The following MACROD2 variants were observed in gnomAD, a reference collection of about 807,000 sequenced individuals.
The protein encoded by MACROD2 is ADP-ribose glycohydrolase MACROD2.
MACROD2 carries 36 observed loss-of-function variants against 70.4 expected under a neutral mutation model. The observed-to-expected ratio is 0.51, with a 90% CI of 0.39 to 0.68. MACROD2 has a LOEUF of 0.68. MACROD2 is among the 30% of genes least tolerant of loss of function. The probability of loss-of-function intolerance (pLI) is 0.00; values close to 1 mark genes in which losing one functional copy is unlikely to be tolerated. For missense variants in MACROD2, 496 were observed against 538.4 expected (o/e 0.92, Z 0.78); for synonymous variants, 172 against 178.8 (o/e 0.96, Z 0.30).
chr20:14,798,930 G>T (rs928745336), intron 5 of MACROD2, among the ~76,000 whole-genome samples: 1 of 151,490 alleles, frequency 6.6e-6, no homozygotes, highest in Non-Finnish European at 1.5e-5. Context: ...ATATAAATCG[G>T]GACAGATTTT....
chr20:15,677,932 G>C (rs1450570850), intron 8 of MACROD2, among the ~76,000 whole-genome samples: 1 of 152,034 alleles, frequency 6.6e-6, no homozygotes, highest in Non-Finnish European at 1.5e-5. Context: ...AAGCATGGTG[G>C]TGGGCACCTG....
At chr20:14,355,546 A>C (rs967362527) in intron 3 of MACROD2, among the ~76,000 whole-genome samples, 1 of 150,814 alleles carries the variant, frequency 6.6e-6, no homozygotes, top group Admixed American at 6.6e-5. Context: ...CTATGGAGAG[A>C]ATTATTTTGT....
At chr20:15,997,886 GT>G (rs964046386) in intron 15 of MACROD2, among the ~76,000 whole-genome samples, 5 of 151,720 alleles carry the variant, frequency 3.3e-5, no homozygotes, top group Admixed American at 2.6e-4. Context: ...ATTGTTGAGT[GT>G]TTTTTTTCCT....
chr20:15,800,627 G>A lies in MACROD2; in HGVS notation c.646-62118G>A, dbSNP rs542945187. 3.3e-5 allele frequency among the ~76,000 whole-genome samples: 5 copies of A among 152,156 alleles called. No individual in the cohort carries two copies. In the East Asian group the frequency reaches 5.8e-4, roughly 18 times the overall value. The stretch of plus-strand genomic sequence containing the variant: ...CGGGAGGTGAGGGGCGCCTCTGCCC[G>A]GCCGCCCCTACTGGGAAGCGAGGAG... On this transcript the variant is annotated intron_variant, in intron 8 of 17. Transcript: ENST00000684519.
chr20:14,992,804 T>A (rs2074916659), intron 5 of MACROD2, among the ~76,000 whole-genome samples: 1 of 150,518 alleles, frequency 6.6e-6, no homozygotes, highest in Non-Finnish European at 1.5e-5. Context: ...GAAATTTTTT[T>A]AAAAATCAGA....
intron 10 of MACROD2, chr20:15,894,013 G>A (rs918768541): frequency 9.1e-6 from 4 of 440,138 alleles, no homozygotes; most frequent in Non-Finnish European, 1.8e-5. Flanking sequence ...GCTTTCCCAT[G>A]CTCAGTCACT....
intron 6 of MACROD2, among the ~76,000 whole-genome samples, chr20:15,284,008 A>G (rs188449001): frequency 2.8e-4 from 42 of 152,330 alleles, no homozygotes; most frequent in Non-Finnish European, 4.6e-4. Context: ...ATATCACCGT[A>G]TATATATTTC....
intron 3 of MACROD2, among the ~76,000 whole-genome samples, chr20:14,259,110 T>G (rs754391263): frequency 1.3e-5 from 2 of 152,208 alleles, no homozygotes; most frequent in Non-Finnish European, 2.9e-5. Flanking sequence ...GCCCAGCTAA[T>G]TTTTGTATTT....
intron 5 of MACROD2, among the ~76,000 whole-genome samples, chr20:15,030,917 C>G (rs2075269572): frequency 6.6e-6 from 1 of 152,110 alleles, no homozygotes; most frequent in Non-Finnish European, 1.5e-5. Context: ...CGCCTTTGCC[C>G]GAATTTTGCT....
intron 5 of MACROD2, among the ~76,000 whole-genome samples, chr20:15,215,088 A>T (rs1028432139): frequency 1.3e-5 from 2 of 152,220 alleles, no homozygotes; most frequent in African/African-American, 4.8e-5. Flanking sequence ...GCAAATGTGT[A>T]AATCCATGTT....
intron 5 of MACROD2, among the ~76,000 whole-genome samples, chr20:14,716,870 G>A (rs978590842): frequency 2.6e-5 from 4 of 152,146 alleles, no homozygotes; most frequent in African/African-American, 9.7e-5. Context: ...TGGAGGAAAG[G>A]AACCTGGCAT....
At chr20:15,463,021 T>A (rs1043381234) in intron 7 of MACROD2, among the ~76,000 whole-genome samples, 2 of 152,250 alleles carry the variant, frequency 1.3e-5, no homozygotes, top group Non-Finnish European at 2.9e-5. Context: ...ATGTATACAT[T>A]TGTAAAGTAG....
chr20:14,789,460 A>ATTTTTTTT (rs3045609), intron 5 of MACROD2, among the ~76,000 whole-genome samples: 1,596 of 48,140 alleles, frequency 0.033, 396 homozygotes, highest in Non-Finnish European at 0.045. Context: ...GGTAGTGCAA[A>ATTTTTTTT]TTTTTTTTTT....
intron 4 of MACROD2, among the ~76,000 whole-genome samples, chr20:14,531,974 C>T (rs946501897): frequency 2.0e-5 from 3 of 152,112 alleles, no homozygotes; most frequent in Non-Finnish European, 2.9e-5. Context: ...AGCCAGCACT[C>T]GACGTTCACT....
chr20:14,325,608 G>A (rs1380368155), intron 3 of MACROD2: 1 of 1,613,434 alleles, frequency 6.2e-7, no homozygotes, highest in Non-Finnish European at 8.5e-7. Context: ...TGTAGCTTCG[G>A]TTACTACTGC....
intron 1 of MACROD2, among the ~76,000 whole-genome samples, chr20:13,998,789 A>G (rs2052695182): frequency 6.6e-6 from 1 of 151,974 alleles, no homozygotes; most frequent in Non-Finnish European, 1.5e-5. Context: ...CCCCGTCTTT[A>G]CTAAAAATAC....
chr20:15,944,910 A>G (rs978216039), intron 12 of MACROD2, among the ~76,000 whole-genome samples: 9 of 152,156 alleles, frequency 5.9e-5, no homozygotes, highest in Non-Finnish European at 1.3e-4. Context: ...TATGATTGTA[A>G]TGCAATTTTT....
chr20:14,493,422 T>C, intron 3 of MACROD2, 57 bp from the exon 4 acceptor site: 1 of 1,402,192 alleles, frequency 7.1e-7, no homozygotes, highest in Non-Finnish European at 1.0e-6. Context: ...TACTCTGATA[T>C]ACTATATTTC....
At chr20:15,092,835 A>G (rs532385067) in intron 5 of MACROD2, among the ~76,000 whole-genome samples, 8 of 152,284 alleles carry the variant, frequency 5.3e-5, no homozygotes, top group African/African-American at 1.9e-4. Flanking sequence ...AAATAATTGC[A>G]GGGCTTTAAA....
Sources: gnomAD v4.1 joint callset for allele counts (sites outside exome capture counted in the v4.1 genomes callset) on GRCh38, gnomAD v4.1.1 for gene constraint, MANE v1.5 for transcripts, NCBI Gene and HGNC (gene_info 2026-07-23, HGNC 2026-07-21) for gene names.